The following LCP1 variants were observed in gnomAD, a reference collection of about 807,000 sequenced individuals.
LCP1 encodes lymphocyte cytosolic protein 1, also known as plastin-2.
Under a neutral mutation model 72.0 loss-of-function variants are expected in LCP1, and 23 were observed. That is an observed-to-expected ratio of 0.32 (90% CI 0.23 to 0.45). The LOEUF (loss-of-function observed/expected upper bound fraction) is 0.45, where lower values mean the gene tolerates loss of function less well. Among genes scored for constraint, LCP1 ranks in the 20% least tolerant of loss-of-function variants. The probability of loss-of-function intolerance (pLI) is 1.00; values close to 1 mark genes in which losing one functional copy is unlikely to be tolerated. For missense variants in LCP1, 571 were observed against 748.3 expected (o/e 0.76, Z 2.76); for synonymous variants, 245 against 275.4 (o/e 0.89, Z 1.09).
intron 1 of LCP1, among the ~76,000 whole-genome samples, chr13:46,161,505 G>T (rs1022128171): frequency 6.6e-6 from 1 of 152,054 alleles, no homozygotes; most frequent in African/African-American, 2.4e-5. Context: ...AACCCTAAGA[G>T]ACAGGCACTG....
intron 1 of LCP1, among the ~76,000 whole-genome samples, chr13:46,173,937 T>C (rs1449013942): frequency 6.6e-6 from 1 of 152,142 alleles, no homozygotes. Flanking sequence ...AGAAAAGAGA[T>C]CTCTGGGCAT....
At chr13:46,148,502 A>G in intron 8 of LCP1, 55 bp from the exon 9 acceptor site, 1 of 1,063,334 alleles carries the variant, frequency 9.4e-7, no homozygotes, top group Non-Finnish European at 1.4e-6. Context: ...TTACATACTT[A>G]GCATAACAAT....
chr13:46,151,876 A>G (rs2045766604), intron 7 of LCP1, among the ~76,000 whole-genome samples: 1 of 152,270 alleles, frequency 6.6e-6, no homozygotes, highest in Non-Finnish European at 1.5e-5. Flanking sequence ...GATACTTATC[A>G]AGGTGGGCTA....
chr13:46,177,654 G>A lies in LCP1; in HGVS notation c.-25+4457C>T, dbSNP rs544746922. ...GCAGAGGTTTCAGTGAGCCGAGATCGCGCCACTGCACTCCAGCCTGGGCGA... is the reference window on the plus strand; with the variant it reads ...GCAGAGGTTTCAGTGAGCCGAGATCACGCCACTGCACTCCAGCCTGGGCGA... On this transcript the variant is annotated intron_variant, in intron 1 of 15. Transcript: ENST00000323076. 5.3e-5 allele frequency among the ~76,000 whole-genome samples: 8 copies of A among 152,146 alleles called. No individual in the cohort carries two copies. The East Asian group carries it at 5.8e-4, about 11-fold the overall frequency.
At chr13:46,138,677 C>T (rs567077764) in intron 13 of LCP1, among the ~76,000 whole-genome samples, 24 of 152,222 alleles carry the variant, frequency 1.6e-4, no homozygotes, top group African/African-American at 2.9e-4. Flanking sequence ...GACAGAGTCT[C>T]GCTCCGTCAC....
chr13:46,175,284 T>C (rs865819524), intron 1 of LCP1, among the ~76,000 whole-genome samples: 2 of 152,044 alleles, frequency 1.3e-5, no homozygotes, highest in African/African-American at 4.8e-5. Flanking sequence ...GACGACAACA[T>C]GGGAAAATGG....
rs2045755365 is a variant in LCP1 at position 46,150,152 on chromosome 13, T to C, written c.882+784A>G. Among the ~76,000 whole-genome samples the C allele has an allele frequency of 2.0e-5, 3 of 152,318 alleles. 1 individual carries two copies. The South Asian group carries it at 6.2e-4, about 32-fold the overall frequency. ...TGAACTTTCCTCTGACTCTTTCTCT[T>C]TGGGGAAAAGTTATTTAATGTTTGA... On this transcript the variant is annotated intron_variant, in intron 8 of 15. Coordinates refer to ENST00000323076, the MANE Select transcript of LCP1 (RefSeq NM_002298.5).
chr13:46,177,443 C>T (rs530152856), intron 1 of LCP1, among the ~76,000 whole-genome samples: 23 of 152,076 alleles, frequency 1.5e-4, no homozygotes, highest in East Asian at 3.9e-4. Context: ...AGATCGAGAC[C>T]GTCCTGGCTA....
chr13:46,156,342 C>A, intron 5 of LCP1, 96 bp downstream of exon 5: 2 of 1,446,956 alleles, frequency 1.4e-6, no homozygotes, highest in South Asian at 1.2e-5. Context: ...TGCAGCTGAG[C>A]ACCAAACAAA....
At position 46,134,214 on chromosome 13, in the gene LCP1, G is replaced by A. The variant is rs749367534; in HGVS notation, c.1539C>T (p.Gly513=). Residue 513 remains glycine, a synonymous_variant, in exon 14 of 16, where the codon GGC becomes GGT. Coordinates refer to ENST00000323076, the MANE Select transcript of LCP1 (RefSeq NM_002298.5). ...TLNILEEIGG[G]QKVNDDIIVN... is the part of the protein sequence containing the mutation. ...CAATAATGTCATCATTGACCTTCTGGCCACCACCAATTTCTTCGAGGATAT... is the reference window on the plus strand; with the variant it reads ...CAATAATGTCATCATTGACCTTCTGACCACCACCAATTTCTTCGAGGATAT... 24 of 1,613,162 alleles carry A rather than the reference G, an allele frequency of 1.5e-5. No individual in the cohort carries two copies. The highest frequency in any genetic ancestry group is 2.0e-5 in the Non-Finnish European group (24 of 1,179,472).
At chr13:46,131,717 A>C (rs143767793) in intron 14 of LCP1, among the ~76,000 whole-genome samples, 2,328 of 152,296 alleles carry the variant, frequency 0.015, 57 homozygotes, top group African/African-American at 0.053. Flanking sequence ...ACATGGATGC[A>C]GCTGGAGGCC....
intron 1 of LCP1, among the ~76,000 whole-genome samples, chr13:46,176,817 A>G (rs2045932806): frequency 6.6e-6 from 1 of 151,960 alleles, no homozygotes; most frequent in Non-Finnish European, 1.5e-5. Context: ...TAGCTTATCC[A>G]GTCAAGAAGG....
chr13:46,143,257 G>C lies in LCP1; in HGVS notation c.1368+33C>G, dbSNP rs374712819. ...GCTCTTGCAGGCTATGACTTTGCCT[G>C]TCTCCTGGAACAACAGAACCATCAT... On this transcript the variant is annotated intron_variant, in intron 12 of 15. Coordinates refer to ENST00000323076, the MANE Select transcript of LCP1 (RefSeq NM_002298.5). The C allele has an allele frequency of 2.0e-6, 3 of 1,474,606 alleles. No homozygotes were observed. In the African/African-American group the frequency reaches 4.2e-5, roughly 20 times the overall value. The allele number at this position is 1,474,606 out of a possible 1,614,324, so 91.3% of individuals were successfully genotyped here.
At position 46,158,964 on chromosome 13, in the gene LCP1, G is replaced by A. The variant is rs2045820794; in HGVS notation, c.90C>T (p.Ser30=). The change falls in exon 3 of 16, where the codon AGC becomes AGT. Residue 30 remains serine, a synonymous_variant. Coordinates refer to ENST00000323076, the MANE Select transcript of LCP1 (RefSeq NM_002298.5). ...KVDTDGNGYI[S]FNELNDLFKA... is the part of the protein sequence containing the mutation. ...TGAACAAGTCATTCAACTCATTGAA[G>A]CTGATGTATCCATTGCCATCAGTAT... 1 of 1,614,092 alleles carries A rather than the reference G, an allele frequency of 6.2e-7. No individual in the cohort carries two copies. The highest frequency in any genetic ancestry group is 8.5e-7 in the Non-Finnish European group (1 of 1,180,006).
At chr13:46,153,102 T>C (rs763120131) in intron 6 of LCP1, 157 bp from the exon 7 acceptor site, 4 of 686,348 alleles carry the variant, frequency 5.8e-6, no homozygotes, top group Non-Finnish European at 9.3e-6. Context: ...CAGTGACTCA[T>C]AACCAGAAGA....
At chr13:46,171,726 G>T (rs951091576) in intron 1 of LCP1, among the ~76,000 whole-genome samples, 6 of 152,212 alleles carry the variant, frequency 3.9e-5, no homozygotes, top group Non-Finnish European at 8.8e-5. Flanking sequence ...ACACTAATAT[G>T]AATATTTTAA....
chr13:46,181,421 G>T (rs1248966031), intron 1 of LCP1, among the ~76,000 whole-genome samples: 2 of 152,110 alleles, frequency 1.3e-5, no homozygotes, highest in African/African-American at 2.4e-5. Context: ...TCATTGATAT[G>T]GTCATAAGCA....
In LCP1 at chr13:46,162,307, GTCTCCCTCTCCCTCTCTTTCCACGT is replaced by G. The variant is rs1221420939; in HGVS notation, c.-24-2646_-24-2622del. ...CCTCTCCCGTCTCCCTCAACCCACG[GTCTCCCTCTCCCTCTCTTTCCACGT>G]TCTCCCTCTGATGCCGAGCAGAAGC... is the stretch of plus-strand genomic sequence containing the variant. On this transcript the variant is annotated intron_variant, in intron 1 of 15. Coordinates refer to ENST00000323076, the MANE Select transcript of LCP1 (RefSeq NM_002298.5). Among the ~76,000 whole-genome samples the G allele has an allele frequency of 5.0e-3, 465 of 93,632 alleles. 1 individual carries two copies. The highest frequency in any genetic ancestry group is 0.018 in the African/African-American group (448 of 24,252). The allele number at this position is 93,632 out of a possible 152,430, so 61.4% of individuals were successfully genotyped here. A position where few individuals can be genotyped will look rare whatever the true frequency, so the allele number is the denominator to read the frequency against.
intron 6 of LCP1, 77 bp from the exon 7 acceptor site, chr13:46,153,022 A>G (rs773419454): frequency 1.7e-5 from 24 of 1,394,368 alleles, no homozygotes; most frequent in Non-Finnish European, 1.9e-5. Flanking sequence ...AACAGTAACA[A>G]TGTTTTCCTT....
Sources: gnomAD v4.1 joint callset for allele counts (sites outside exome capture counted in the v4.1 genomes callset) on GRCh38, gnomAD v4.1.1 for gene constraint, MANE v1.5 for transcripts, NCBI Gene and HGNC (gene_info 2026-07-23, HGNC 2026-07-21) for gene names.